PATJ: variants seen among roughly 807,000 people sequenced by gnomAD.
PATJ encodes the protein inaD-like protein.
Under a neutral mutation model 224.9 loss-of-function variants are expected in PATJ, and 190 were observed. The observed-to-expected ratio is 0.84, with a 90% CI of 0.75 to 0.95. The LOEUF is 0.95. Among genes scored for constraint, PATJ ranks in the 40% least tolerant of loss-of-function variants. The pLI, the probability that PATJ is intolerant of heterozygous loss-of-function variation, is 0.00. For synonymous variants in PATJ, 769 were observed against 820.3 expected, an observed-to-expected ratio of 0.94 and a Z score of 1.07; for missense variants, 2,121 against 2,270.3, an observed-to-expected ratio of 0.93 and a Z score of 1.34.
At chr1:61,932,962 C>A (rs1337603168) in intron 27 of PATJ, among the ~76,000 whole-genome samples, 5 of 152,146 alleles carry the variant, frequency 3.3e-5, no homozygotes, top group Non-Finnish European at 7.4e-5. Flanking sequence ...TTAAATGTAA[C>A]AACCAATATA....
intron 25 of PATJ, among the ~76,000 whole-genome samples, chr1:61,911,695 T>TTTTA (rs770166083): frequency 7.8e-5 from 11 of 140,616 alleles, no homozygotes; most frequent in South Asian, 2.2e-4. Context: ...CTATATATTT[T>TTTTA]TATATATATA....
In PATJ at chr1:61,819,622, G is replaced by A. The variant is rs1336984707; in HGVS notation, c.1684-3323G>A. ...CGTGGGGCGGCAGGCGGCGGTGGGG[G>A]GGCGCGGGTGGGAAGGCAGCTCCAA... On this transcript the variant is annotated intron_variant, in intron 14 of 43. Coordinates refer to ENST00000642238, the MANE Select transcript of PATJ (RefSeq NM_001350145.3). Among the ~76,000 whole-genome samples the A allele has an allele frequency of 3.3e-5, 5 of 152,142 alleles. No homozygotes were observed. In the South Asian group the frequency reaches 1.0e-3, roughly 32 times the overall value.
At chr1:61,916,810 G>T (rs1356266439) in intron 26 of PATJ, among the ~76,000 whole-genome samples, 2 of 152,158 alleles carry the variant, frequency 1.3e-5, no homozygotes, top group East Asian at 1.9e-4. Context: ...AGTTTTGGGG[G>T]TAGGGAATGG....
rs570234502 is a variant in PATJ, at chr1:62,037,669, A to C, written c.3960-308A>C. On this transcript the variant is annotated intron_variant, in intron 29 of 43. Coordinates refer to ENST00000642238, the MANE Select transcript of PATJ (RefSeq NM_001350145.3). Reference sequence around the variant, plus strand: ...ATACTCTGCAGTGCTGAAAGAGCCAAAGCCTTTCCAAACTTATCCTCTGCA... The same window carrying C: ...ATACTCTGCAGTGCTGAAAGAGCCACAGCCTTTCCAAACTTATCCTCTGCA... 2.0e-5 allele frequency among the ~76,000 whole-genome samples: 3 copies of C among 152,304 alleles called. 1 individual carries two copies. The highest frequency in any genetic ancestry group is 7.2e-5 in the African/African-American group (3 of 41,574).
intron 31 of PATJ, chr1:62,073,399 G>C: frequency 1.2e-6 from 1 of 830,460 alleles, no homozygotes; most frequent in Non-Finnish European, 1.5e-6. Context: ...AAGGCAGGCA[G>C]ATTGCTTGAG....
At chr1:62,083,420 G>A (rs933303445) in intron 32 of PATJ, among the ~76,000 whole-genome samples, 3 of 152,206 alleles carry the variant, frequency 2.0e-5, no homozygotes, top group South Asian at 2.1e-4. Context: ...GTGAACCACC[G>A]TGCCCGGCTG....
intron 28 of PATJ, among the ~76,000 whole-genome samples, chr1:61,995,579 C>G (rs1350526061): frequency 6.6e-6 from 1 of 152,172 alleles, no homozygotes; most frequent in African/African-American, 2.4e-5. Flanking sequence ...TGCACCATTA[C>G]AGTGGAAGAG....
chr1:61,791,051 A>G (rs541851031), intron 8 of PATJ, among the ~76,000 whole-genome samples: 2 of 152,248 alleles, frequency 1.3e-5, no homozygotes, highest in East Asian at 3.9e-4. Flanking sequence ...TCAAACCACA[A>G]GTTGAGTCCT....
At chr1:62,039,842 C>T (rs1651124629) in intron 30 of PATJ, among the ~76,000 whole-genome samples, 1 of 152,018 alleles carries the variant, frequency 6.6e-6, no homozygotes, top group Admixed American at 6.6e-5. Context: ...ACTGGGCAGT[C>T]GAGCTGGTGA....
chr1:62,144,515 T>C (rs986300792), intron 41 of PATJ, among the ~76,000 whole-genome samples: 2 of 152,128 alleles, frequency 1.3e-5, no homozygotes, highest in Admixed American at 6.6e-5. Context: ...GTGAGAATTA[T>C]AACCCAGAAG....
chr1:61,879,966 G>A (rs1667869137), intron 21 of PATJ, among the ~76,000 whole-genome samples: 1 of 151,980 alleles, frequency 6.6e-6, no homozygotes, highest in Admixed American at 6.6e-5. Context: ...AGCCTCCTGA[G>A]TAGCTGGGAT....
chr1:61,764,040 A>G (rs1646125414), intron 3 of PATJ, among the ~76,000 whole-genome samples: 1 of 145,248 alleles, frequency 6.9e-6, no homozygotes, highest in Non-Finnish European at 1.5e-5. Context: ...TATTTTTTTT[A>G]GTAGAGACGG....
chr1:62,097,212 A>G (rs980236798), intron 33 of PATJ, among the ~76,000 whole-genome samples: 3 of 152,164 alleles, frequency 2.0e-5, no homozygotes, highest in African/African-American at 7.2e-5. Context: ...TTCCCAGCAT[A>G]CATTGCTGCC....
At chr1:62,026,051 C>T (rs191806098) in intron 29 of PATJ, among the ~76,000 whole-genome samples, 3 of 152,296 alleles carry the variant, frequency 2.0e-5, no homozygotes, top group Non-Finnish European at 2.9e-5. Context: ...CAGCAGCCCT[C>T]ATTAGTAATT....
rs568144784 is a variant in PATJ at position 61,906,191 on chromosome 1, G to A, written c.3382-2181G>A. Among the ~76,000 whole-genome samples, 13 of 152,310 alleles carry A rather than the reference G, an allele frequency of 8.5e-5. No individual in the cohort carries two copies. In the South Asian group the frequency reaches 2.7e-3, roughly 32 times the overall value. ...TGAAGAGATGCATAGGGCAAAGTAT[G>A]CAGAGGAGGGCACAGAGCATCCACA... On this transcript the variant is annotated intron_variant, in intron 24 of 43. Transcript: ENST00000642238.
chr1:61,750,647 G>C (rs1570240574), intron 1 of PATJ, among the ~76,000 whole-genome samples: 1 of 151,782 alleles, frequency 6.6e-6, no homozygotes, highest in Admixed American at 6.6e-5. Flanking sequence ...CTCCATGTTT[G>C]TCAGGCTGGT....
intron 30 of PATJ, 60 bp from the exon 31 acceptor site, chr1:62,050,906 A>G (rs1036336050): frequency 3.1e-5 from 39 of 1,246,708 alleles, no homozygotes; most frequent in African/African-American, 1.8e-4. Context: ...TATCTGTACA[A>G]TTCGAGGGAG....
rs1413215264 is a variant in PATJ, at chr1:62,153,518, T to A, written c.5502+37T>A. 3.3e-6 allele frequency: 4 copies of A among 1,210,126 alleles called. No homozygotes were observed. In the African/African-American group the frequency reaches 6.3e-5, roughly 19 times the overall value. The allele number at this position is 1,210,126 out of a possible 1,614,324, so 75.0% of individuals were successfully genotyped here. ...TTTTTAATGTACTTTTTTAAAAAAA[T>A]TAAACCTAGGTGAGATTTCTTTTAA... On this transcript the variant is annotated intron_variant, in intron 43 of 43. Coordinates refer to ENST00000642238, the MANE Select transcript of PATJ (RefSeq NM_001350145.3).
intron 24 of PATJ, among the ~76,000 whole-genome samples, chr1:61,906,505 G>C (rs1332638): frequency 1.6e-3 from 245 of 152,286 alleles, no homozygotes; most frequent in Middle Eastern, 6.8e-3. Flanking sequence ...CTATCACTCA[G>C]GAAATTCCAA....
Sources: allele counts gnomAD v4.1 joint callset (sites outside exome capture counted in the v4.1 genomes callset), GRCh38; gene constraint gnomAD v4.1.1; transcripts MANE v1.5; gene names NCBI Gene and HGNC (gene_info 2026-07-23, HGNC 2026-07-21).